The following ASB14 variants were observed in gnomAD, a reference collection of about 807,000 sequenced individuals.
ASB14 encodes the protein ankyrin repeat and SOCS box containing 14.
A neutral mutation model predicts 55.6 loss-of-function variants in ASB14; 63 were observed. The ratio of observed to expected loss-of-function variants is 1.13; its 90% confidence interval spans 0.92 to 1.40. ASB14 has a LOEUF of 1.40. Ranked by LOEUF, ASB14 falls within the 40% of genes most tolerant of loss-of-function variation. The pLI is 0.00. For missense variants in ASB14, 724 were observed against 710.4 expected (o/e 1.02, Z -0.22); for synonymous variants, 256 against 259.9 (o/e 0.98, Z 0.15).
At position 57,288,004 on chromosome 3, in the gene ASB14, A is replaced by G. The variant is rs1193345186; in HGVS notation, c.366T>C (p.Phe122=). 1 of 1,537,364 alleles carries G rather than the reference A, an allele frequency of 6.5e-7. No homozygotes were observed. Among genetic ancestry groups the G allele is most frequent in the South Asian group, 1.2e-5 (1 of 84,066 alleles). ...CTAAGAGGCAACTGCTGACAGCCAA[A>G]AAAAGTGGCGTTTCACCATTGTGAG... ...QTTHNGETPL[F]LAVSSCLLEN... is the part of the protein sequence containing the mutation. Residue 122 remains phenylalanine (F), a synonymous_variant, in exon 5 of 11, where the codon TTT becomes TTC. Coordinates refer to ENST00000487349, the MANE Select transcript of ASB14 (RefSeq NM_001142733.3).
rs529042864 is a variant in ASB14 at position 57,288,272 on chromosome 3, A to G, written c.193T>C (p.Leu65=). The change falls in exon 4 of 11, where the codon TTG becomes CTG. Residue 65 remains leucine (L), a synonymous_variant. Coordinates refer to ENST00000487349, the MANE Select transcript of ASB14 (RefSeq NM_001142733.3). ...GAATGGTACTTGGTTAAGTGTGACA[A>G]TGCATCTTCCTTACCTATTAACGAG... ...ETIEKGKEDA[L]SHLTKYHSAF... The G allele has an allele frequency of 4.3e-5, 66 of 1,537,220 alleles. 2 individuals carry two copies. The South Asian group carries it at 7.3e-4, about 17-fold the overall frequency.
At chr3:57,274,008 T>G (rs2060967082) in intron 10 of ASB14, among the ~76,000 whole-genome samples, 1 of 152,112 alleles carries the variant, frequency 6.6e-6, no homozygotes, top group Admixed American at 6.5e-5. Flanking sequence ...ATTTCTATAT[T>G]GAAAGATATA....
At chr3:57,273,208 T>TGTAA (rs879287669) in intron 10 of ASB14, 13 of 152,802 alleles carry the variant, frequency 8.5e-5, no homozygotes, top group Non-Finnish European at 1.5e-4. Context: ...GATTTTGTAA[T>TGTAA]GTAAGTGAAT....
chr3:57,291,544 G>T (rs547984426), intron 2 of ASB14, among the ~76,000 whole-genome samples: 2 of 152,260 alleles, frequency 1.3e-5, no homozygotes, highest in African/African-American at 2.4e-5. Context: ...CCCTACTAAG[G>T]TTGAAGATAA....
chr3:57,268,493 C>T lies in ASB14; in HGVS notation c.*1148G>A, dbSNP rs1579407779. ...AACAAAAACAGATTGAAAAGGTATACAGTCCTAATGTCTGGATCTTTATGT... is the reference window on the plus strand; with the variant it reads ...AACAAAAACAGATTGAAAAGGTATATAGTCCTAATGTCTGGATCTTTATGT... On this transcript the variant is annotated 3_prime_UTR_variant, in exon 11 of 11. Transcript: ENST00000487349. 4 of 1,600,104 alleles carry T rather than the reference C, an allele frequency of 2.5e-6. No homozygotes were observed. Among genetic ancestry groups the T allele is most frequent in the Middle Eastern group, 1.7e-4 (1 of 5,944 alleles).
intron 10 of ASB14, chr3:57,269,905 A>G (rs963260109): frequency 5.0e-6 from 2 of 397,638 alleles, no homozygotes; most frequent in Admixed American, 8.4e-5. Flanking sequence ...ATTAACATCT[A>G]AAGGAAACCT....
Position 57,277,464 on chromosome 3 carries a change from T to G in ASB14, c.1585+303A>C, listed in dbSNP as rs77175483. On this transcript the variant is annotated intron_variant, in intron 9 of 10. Transcript: ENST00000487349. ...AGCTTTTTCTCATCCTTGTTTTTAT[T>G]GCCATATGATATTAGCTTTTCATTC... Among the ~76,000 whole-genome samples the G allele has an allele frequency of 1.2e-3, 185 of 152,294 alleles. No homozygotes were observed. In the East Asian group the frequency reaches 0.03, roughly 25 times the overall value.
intron 10 of ASB14, 56 bp from the exon 11 acceptor site, chr3:57,269,674 A>G: frequency 6.2e-7 from 1 of 1,614,008 alleles, no homozygotes; most frequent in Non-Finnish European, 8.5e-7. Flanking sequence ...AAGAAGAGAG[A>G]ATCAGAAGCA....
chr3:57,269,261 G>C lies in ASB14; in HGVS notation c.*380C>G, dbSNP rs941949256. 9 of 314,368 alleles carry C rather than the reference G, an allele frequency of 2.9e-5. No homozygotes were observed. Among genetic ancestry groups the C allele is most frequent in the Admixed American group, 4.5e-5 (1 of 22,466 alleles). The allele number at this position is 314,368 out of a possible 1,614,324, so 19.5% of individuals were successfully genotyped here. A position where few individuals can be genotyped will look rare whatever the true frequency, so the allele number is the denominator to read the frequency against. On this transcript the variant is annotated 3_prime_UTR_variant, in exon 11 of 11. Transcript: ENST00000487349. ...TTCGAGGGTTTTACTATAATATATA[G>C]TGAGAGATGATTGATGATGGGCTTT...
Position 57,280,356 on chromosome 3 carries a change from G to A in ASB14, c.833C>T (p.Pro278Leu), listed in dbSNP as rs957425947. ...LLEYGADANI[P>L]KNSGHLPIHV... ...GATGGGCAGGTGGCCTGAATTCTTA[G>A]GGATGTTGGCATCAGCTCCATACTC... is the stretch of plus-strand genomic sequence containing the variant. Residue 278 changes from proline (P) to leucine (L), a missense_variant, in exon 7 of 11, where the codon CCT becomes CTT. Pro to Leu is a moderately conservative substitution (Grantham distance 98). Coordinates refer to ENST00000487349, the MANE Select transcript of ASB14 (RefSeq NM_001142733.3). 1.3e-6 allele frequency: 2 copies of A among 1,551,050 alleles called. No homozygotes were observed. The highest frequency in any genetic ancestry group is 1.7e-6 in the Non-Finnish European group (2 of 1,146,674).
chr3:57,292,337 C>T (rs765608443), intron 1 of ASB14, among the ~76,000 whole-genome samples: 1 of 152,200 alleles, frequency 6.6e-6, no homozygotes, highest in Admixed American at 6.5e-5. Flanking sequence ...TAGTGCCACT[C>T]TAACACTGAC....
intron 6 of ASB14, among the ~76,000 whole-genome samples, chr3:57,281,075 T>A (rs374423029): frequency 2.9e-5 from 4 of 136,158 alleles, no homozygotes; most frequent in African/African-American, 1.1e-4. Flanking sequence ...TTAAAAAAAA[T>A]ATTTGCACTA....
At chr3:57,273,635 A>G (rs1642759198) in intron 10 of ASB14, among the ~76,000 whole-genome samples, 1 of 152,040 alleles carries the variant, frequency 6.6e-6, no homozygotes, top group Middle Eastern at 3.4e-3. Flanking sequence ...AAAGTTTGTT[A>G]TAGAAGCAAA....
At chr3:57,279,044 CAAA>C in intron 7 of ASB14, 124 bp from the exon 8 acceptor site, 1 of 723,376 alleles carries the variant, frequency 1.4e-6, no homozygotes, top group Non-Finnish European at 2.0e-6. Flanking sequence ...AACCCACAAC[CAAA>C]AAAAAAAGCA....
chr3:57,271,776 C>T (rs1338513324), intron 10 of ASB14: 9 of 152,212 alleles, frequency 5.9e-5, no homozygotes, highest in Admixed American at 3.9e-4. Flanking sequence ...GTCATGTTCA[C>T]AGGAATTTCT....
chr3:57,286,814 C>CCA (rs961824445), intron 5 of ASB14, among the ~76,000 whole-genome samples: 13 of 152,152 alleles, frequency 8.5e-5, no homozygotes, highest in African/African-American at 2.9e-4. Context: ...TGGCCATATA[C>CCA]CACCTCCATC....
At chr3:57,284,630 A>G (rs1016485285) in intron 5 of ASB14, among the ~76,000 whole-genome samples, 13 of 152,244 alleles carry the variant, frequency 8.5e-5, no homozygotes, top group Non-Finnish European at 1.8e-4. Flanking sequence ...GAGGAAAACT[A>G]GCTCTACCGT....
intron 10 of ASB14, chr3:57,270,348 T>C (rs1420614889): frequency 6.6e-6 from 1 of 152,656 alleles, no homozygotes; most frequent in Non-Finnish European, 1.5e-5. Context: ...CAGTTCAAGA[T>C]TGATAGAGCC....
Position 57,283,114 on chromosome 3 carries a change from T to C in ASB14, c.715+80A>G. On this transcript the variant is annotated intron_variant, in intron 6 of 10. Coordinates refer to ENST00000487349, the MANE Select transcript of ASB14 (RefSeq NM_001142733.3). Reference sequence around the variant, plus strand: ...TAGGCTTAAATGTTAACTTTTATTATTTTGAAGCTCTCCATTAAGAGGAGA... The same window carrying C: ...TAGGCTTAAATGTTAACTTTTATTACTTTGAAGCTCTCCATTAAGAGGAGA... The C allele has an allele frequency of 4.1e-6, 6 of 1,475,144 alleles. No homozygotes were observed. The South Asian group carries it at 7.7e-5, about 19-fold the overall frequency. 91.4% of individuals were successfully genotyped at this position (1,475,144 alleles called of 1,614,324 possible).
Sources: gnomAD v4.1 joint callset for allele counts (sites outside exome capture counted in the v4.1 genomes callset) on GRCh38, gnomAD v4.1.1 for gene constraint, MANE v1.5 for transcripts, NCBI Gene and HGNC (gene_info 2026-07-23, HGNC 2026-07-21) for gene names.